SLC25A13: variants seen among roughly 807,000 people sequenced by gnomAD.
SLC25A13 encodes the protein electrogenic aspartate/glutamate antiporter SLC25A13, mitochondrial.
Under a neutral mutation model 85.5 loss-of-function variants are expected in SLC25A13, and 70 were observed. That is an observed-to-expected ratio of 0.82 (90% CI 0.68 to 1.00). The LOEUF (loss-of-function observed/expected upper bound fraction) is 1.00. Among genes scored for constraint, SLC25A13 ranks in the 50% least tolerant of loss-of-function variants. The pLI, the probability that SLC25A13 is intolerant of heterozygous loss-of-function variation, is 0.00. For synonymous variants in SLC25A13, 259 were observed against 288.7 expected, an observed-to-expected ratio of 0.90 and a Z score of 1.04; for missense variants, 765 against 819.8, an observed-to-expected ratio of 0.93 and a Z score of 0.82.
At chr7:96,155,113 T>C (rs191557963) in intron 13 of SLC25A13, among the ~76,000 whole-genome samples, 2 of 152,242 alleles carry the variant, frequency 1.3e-5, no homozygotes, top group Admixed American at 1.3e-4. Context: ...CTTCTACCAA[T>C]TCTTGCTTCC....
intron 3 of SLC25A13, among the ~76,000 whole-genome samples, chr7:96,256,501 T>A (rs967195083): frequency 5.3e-5 from 8 of 152,108 alleles, no homozygotes; most frequent in Non-Finnish European, 1.2e-4. Flanking sequence ...AAGGGATCAA[T>A]CCGACAAGAA....
intron 4 of SLC25A13, among the ~76,000 whole-genome samples, chr7:96,213,509 A>G (rs1795778949): frequency 6.6e-6 from 1 of 152,178 alleles, no homozygotes; most frequent in African/African-American, 2.4e-5. Flanking sequence ...GAGCCTTACT[A>G]TGAAAGACTC....
chr7:96,290,537 C>T (rs1047126234), intron 2 of SLC25A13, among the ~76,000 whole-genome samples: 189 of 150,544 alleles, frequency 1.3e-3, no homozygotes, highest in African/African-American at 4.2e-3. Flanking sequence ...ACCCATCTCA[C>T]GTGCAGAGAC....
chr7:96,303,582 A>C (rs1345496750), intron 1 of SLC25A13, among the ~76,000 whole-genome samples: 1 of 151,932 alleles, frequency 6.6e-6, no homozygotes, highest in African/African-American at 2.4e-5. Flanking sequence ...CAATTCCCAG[A>C]CTCCCTTGCT....
intron 3 of SLC25A13, among the ~76,000 whole-genome samples, chr7:96,274,544 T>C (rs998941943): frequency 1.3e-5 from 2 of 152,226 alleles, no homozygotes; most frequent in African/African-American, 4.8e-5. Context: ...TGGCTTTTGT[T>C]GCCATTGCTT....
chr7:96,287,030 G>A (rs914708609), intron 2 of SLC25A13, among the ~76,000 whole-genome samples: 1 of 152,222 alleles, frequency 6.6e-6, no homozygotes, highest in African/African-American at 2.4e-5. Flanking sequence ...AGAAAGTCAA[G>A]TCAGGAAAAA....
chr7:96,289,240 A>C (rs893241018), intron 2 of SLC25A13, among the ~76,000 whole-genome samples: 1 of 152,202 alleles, frequency 6.6e-6, no homozygotes, highest in Non-Finnish European at 1.5e-5. Context: ...GGACATCCAC[A>C]CCAAAACCCC....
At chr7:96,217,547 T>G (rs988055051) in intron 4 of SLC25A13, among the ~76,000 whole-genome samples, 1 of 152,202 alleles carries the variant, frequency 6.6e-6, no homozygotes, top group Non-Finnish European at 1.5e-5. Context: ...TGAAATATTA[T>G]TTATCAATAA....
At chr7:96,277,801 A>T (rs966493909) in intron 2 of SLC25A13, among the ~76,000 whole-genome samples, 5 of 146,904 alleles carry the variant, frequency 3.4e-5, no homozygotes, top group African/African-American at 1.3e-4. Context: ...AGCTTTTTAA[A>T]AAAAAAAAAA....
At chr7:96,225,720 G>A (rs1401042150) in intron 4 of SLC25A13, among the ~76,000 whole-genome samples, 1 of 152,028 alleles carries the variant, frequency 6.6e-6, no homozygotes, top group African/African-American at 2.4e-5. Context: ...CCCATATCAT[G>A]CCAGTTCAGT....
intron 1 of SLC25A13, among the ~76,000 whole-genome samples, chr7:96,301,632 GT>G (rs1554383370): frequency 2.2e-3 from 302 of 137,898 alleles, no homozygotes; most frequent in African/African-American, 2.7e-3. Context: ...TTGGTGTTTT[GT>G]TTTTTTTTTT....
Position 96,208,852 on chromosome 7 carries a change from T to C in SLC25A13, c.454A>G (p.Thr152Ala), listed in dbSNP as rs146131228. ...RKRHLTYAEF[T>A]QFLLEIQLEH... ...GCTAGACCCACCAATAAAAACTGAG[T>C]AAATTCCGCATATGTCAGGTGTCTT... Residue 152 changes from threonine to alanine, a missense_variant, in exon 5 of 18, where the codon ACT (threonine) becomes GCT (alanine). Transcript: ENST00000265631. 350 of 1,613,882 alleles carry C rather than the reference T, an allele frequency of 2.2e-4. No homozygotes were observed. Among genetic ancestry groups the C allele is most frequent in the Non-Finnish European group, 2.9e-4 (342 of 1,179,982 alleles).
At chr7:96,135,034 TCA>T (rs1026499236) in intron 14 of SLC25A13, among the ~76,000 whole-genome samples, 1 of 152,076 alleles carries the variant, frequency 6.6e-6, no homozygotes, top group Non-Finnish European at 1.5e-5. Context: ...GATCATCCTG[TCA>T]CCCCTAGCCA....
intron 4 of SLC25A13, among the ~76,000 whole-genome samples, chr7:96,211,645 A>G (rs1795702068): frequency 6.6e-6 from 1 of 152,176 alleles, no homozygotes; most frequent in African/African-American, 2.4e-5. Context: ...GTAGGCAGAG[A>G]GCAACTGCTC....
At chr7:96,272,832 G>C (rs890809173) in intron 3 of SLC25A13, among the ~76,000 whole-genome samples, 7 of 152,212 alleles carry the variant, frequency 4.6e-5, no homozygotes, top group Admixed American at 6.5e-5. Context: ...ATATACAGGA[G>C]AAATTATAGG....
chr7:96,293,792 G>C (rs1020135735), intron 2 of SLC25A13, among the ~76,000 whole-genome samples: 1 of 152,202 alleles, frequency 6.6e-6, no homozygotes, highest in African/African-American at 2.4e-5. Flanking sequence ...AGGAGCTGGA[G>C]AGGATGTGGA....
chr7:96,238,675 T>C (rs1796837039), intron 3 of SLC25A13, among the ~76,000 whole-genome samples: 1 of 152,064 alleles, frequency 6.6e-6, no homozygotes, highest in African/African-American at 2.4e-5. Context: ...AATGTGTTTC[T>C]GGCCCTTTGC....
intron 3 of SLC25A13, among the ~76,000 whole-genome samples, chr7:96,269,769 A>G (rs1798163114): frequency 6.6e-6 from 1 of 152,242 alleles, no homozygotes; most frequent in African/African-American, 2.4e-5. Flanking sequence ...ACAATGGAAT[A>G]CTATTAAGCC....
At chr7:96,156,382 C>T (rs565713935) in intron 13 of SLC25A13, among the ~76,000 whole-genome samples, 59 of 151,264 alleles carry the variant, frequency 3.9e-4, no homozygotes, top group African/African-American at 1.4e-3. Flanking sequence ...CTGTAACCTT[C>T]GCCTCCCAGG....
Sources: allele counts gnomAD v4.1 joint callset (sites outside exome capture counted in the v4.1 genomes callset), GRCh38; gene constraint gnomAD v4.1.1; transcripts MANE v1.5; gene names NCBI Gene and HGNC (gene_info 2026-07-23, HGNC 2026-07-21).